TNC: variants seen among roughly 807,000 people sequenced by gnomAD.
TNC encodes tenascin C.
A neutral mutation model predicts 202.4 loss-of-function variants in TNC; 109 were observed. The observed-to-expected ratio is 0.54, with a 90% CI of 0.46 to 0.63. TNC has a LOEUF of 0.63. Ranked by LOEUF, TNC falls within the 30% of genes least tolerant of loss-of-function variation. The probability of loss-of-function intolerance (pLI) is 0.00; values close to 1 mark genes in which losing one functional copy is unlikely to be tolerated. For missense variants in TNC, 2,756 were observed against 2,833.3 expected (o/e 0.97, Z 0.62); for synonymous variants, 1,007 against 1,089.7 (o/e 0.92, Z 1.50).
chr9:115,090,148 GT>G (rs1162313715), intron 2 of TNC, among the ~76,000 whole-genome samples: 1 of 152,136 alleles, frequency 6.6e-6, no homozygotes, highest in Non-Finnish European at 1.5e-5. Context: ...CCAGGCCTCA[GT>G]TTCTCTATTT....
chr9:115,104,839 G>A (rs1021030761), intron 1 of TNC, among the ~76,000 whole-genome samples: 3 of 152,184 alleles, frequency 2.0e-5, no homozygotes, highest in Non-Finnish European at 4.4e-5. Context: ...TCAAAGAGCT[G>A]ACATAGCTAC....
chr9:115,097,940 G>C (rs765406774), intron 1 of TNC, among the ~76,000 whole-genome samples: 22 of 152,186 alleles, frequency 1.4e-4, no homozygotes, highest in Non-Finnish European at 7.3e-5. Context: ...ACCTCTGTAA[G>C]GCTAGGTGCC....
rs865894151 is a variant in TNC at position 115,073,754 on chromosome 9, G to A, written c.3063C>T (p.Leu1021=). The change falls in exon 10 of 28, where the codon CTC becomes CTT. Residue 1021 remains leucine (L), a synonymous_variant. Coordinates refer to ENST00000350763, the MANE Select transcript of TNC (RefSeq NM_002160.4). ...KFDRYRLNYS[L]PTGQWVGVQL... ...GCACTCCCACCCACTGGCCTGTGGG[G>A]AGACTGTAATTGAGGCGGTAGCGGT... 1 of 1,614,208 alleles carries A rather than the reference G, an allele frequency of 6.2e-7. No individual in the cohort carries two copies. The highest frequency in any genetic ancestry group is 8.5e-7 in the Non-Finnish European group (1 of 1,180,034).
Position 115,046,653 on chromosome 9 carries a change from C to T in TNC, c.4882G>A (p.Val1628Ile). 6.2e-7 allele frequency: 1 copy of T among 1,613,426 alleles called. No individual in the cohort carries two copies. The highest frequency in any genetic ancestry group is 1.1e-5 in the South Asian group (1 of 91,036). ...AAACCGTCTGGGGTGGCATCTGAAA[C>T]CAGAAGGTTGTCAACTTCCGGTTCG... ...EAEPEVDNLL[V>I]SDATPDGFRL... The change falls in exon 17 of 28, where the codon GTT (valine) becomes ATT (isoleucine). Residue 1628 changes from valine to isoleucine, a missense_variant. Coordinates refer to ENST00000350763, the MANE Select transcript of TNC (RefSeq NM_002160.4).
intron 12 of TNC, 76 bp from the exon 13 acceptor site, chr9:115,063,265 G>A: frequency 6.5e-7 from 1 of 1,527,256 alleles, no homozygotes; most frequent in East Asian, 2.3e-5. Flanking sequence ...ATGGCATTTT[G>A]GCTAAGGTTG....
At chr9:115,065,901 CAAAA>C (rs35177151) in intron 10 of TNC, among the ~76,000 whole-genome samples, 1 of 46,672 alleles carries the variant, frequency 2.1e-5, no homozygotes, top group African/African-American at 8.4e-5. Flanking sequence ...GACTCCATCT[CAAAA>C]AAAAAAAAAA....
At chr9:115,089,478 A>ATCTCTC (rs34987920) in intron 2 of TNC, among the ~76,000 whole-genome samples, 1 of 148,522 alleles carries the variant, frequency 6.7e-6, no homozygotes, top group East Asian at 2.0e-4. Context: ...CAAAATCCCT[A>ATCTCTC]TCTCTCTCTC....
intron 1 of TNC, among the ~76,000 whole-genome samples, chr9:115,111,205 C>G (rs1837019803): frequency 6.6e-6 from 1 of 152,100 alleles, no homozygotes; most frequent in Non-Finnish European, 1.5e-5. Flanking sequence ...GGCAGGCAGA[C>G]TCTAAGGTGG....
chr9:115,103,000 T>C (rs140889938), intron 1 of TNC, among the ~76,000 whole-genome samples: 108 of 152,360 alleles, frequency 7.1e-4, no homozygotes, highest in African/African-American at 2.5e-3. Flanking sequence ...TAATCTCTTC[T>C]ACAGTAAGAT....
At chr9:115,063,331 A>G (rs1832698654) in intron 12 of TNC, 142 bp from the exon 13 acceptor site, 3 of 866,524 alleles carry the variant, frequency 3.5e-6, no homozygotes, top group Admixed American at 5.3e-5. Context: ...GCAGGTGTTG[A>G]GCACACTCAA....
chr9:115,038,239 A>C, intron 20 of TNC, 22 bp downstream of exon 20: 5 of 1,611,394 alleles, frequency 3.1e-6, no homozygotes, highest in Non-Finnish European at 4.2e-6. Context: ...TAGAGTGAGG[A>C]GAGACTTGGA....
At chr9:115,098,581 G>C (rs1446450070) in intron 1 of TNC, among the ~76,000 whole-genome samples, 1 of 152,156 alleles carries the variant, frequency 6.6e-6, no homozygotes, top group African/African-American at 2.4e-5. Context: ...TTCAGAATTA[G>C]TTACTTATGA....
At chr9:115,063,472 G>A (rs908225999) in intron 12 of TNC, among the ~76,000 whole-genome samples, 3 of 152,146 alleles carry the variant, frequency 2.0e-5, no homozygotes, top group African/African-American at 4.8e-5. Flanking sequence ...TTCTTAAAAT[G>A]AGCTCATGAG....
intron 20 of TNC, among the ~76,000 whole-genome samples, chr9:115,037,490 A>G (rs537962149): frequency 6.6e-6 from 1 of 152,310 alleles, no homozygotes; most frequent in East Asian, 1.9e-4. Flanking sequence ...GATGGTTGCC[A>G]AACAAGAAAA....
chr9:115,059,194 T>G (rs1036374136), intron 14 of TNC, among the ~76,000 whole-genome samples: 1 of 152,222 alleles, frequency 6.6e-6, no homozygotes, highest in Non-Finnish European at 1.5e-5. Context: ...CTGAGAGAAC[T>G]GCCCGGAGGA....
intron 15 of TNC, chr9:115,052,681 A>G: frequency 1.5e-6 from 1 of 645,410 alleles, no homozygotes; most frequent in South Asian, 1.7e-5. Flanking sequence ...ATTTTCCTTT[A>G]AGATGACTTA....
chr9:115,103,697 T>C (rs900874403), intron 1 of TNC, among the ~76,000 whole-genome samples: 9 of 152,220 alleles, frequency 5.9e-5, no homozygotes, highest in Admixed American at 5.9e-4. Flanking sequence ...AATATTTTTG[T>C]TGAACTTAAT....
At chr9:115,067,854 C>T (rs1833072374) in intron 10 of TNC, among the ~76,000 whole-genome samples, 1 of 149,926 alleles carries the variant, frequency 6.7e-6, no homozygotes, top group Non-Finnish European at 1.5e-5. Flanking sequence ...TTTTGGTAGG[C>T]AAATCAAGAA....
chr9:115,087,377 C>T (rs1834850678), intron 2 of TNC, 104 bp from the exon 3 acceptor site: 3 of 1,140,680 alleles, frequency 2.6e-6, no homozygotes, highest in Non-Finnish European at 3.7e-6. Flanking sequence ...GACGGTTGCA[C>T]CCTCAGGCTC....
Sources: gnomAD v4.1 joint callset for allele counts (sites outside exome capture counted in the v4.1 genomes callset) on GRCh38, gnomAD v4.1.1 for gene constraint, MANE v1.5 for transcripts, NCBI Gene and HGNC (gene_info 2026-07-23, HGNC 2026-07-21) for gene names.